Variants in ACOT11 observed in about 807,000 individuals in gnomAD.
ACOT11 encodes acyl-coenzyme A thioesterase 11.
Under a neutral mutation model 77.5 loss-of-function variants are expected in ACOT11, and 69 were observed. That is an observed-to-expected ratio of 0.89 (90% CI 0.73 to 1.09). The LOEUF (loss-of-function observed/expected upper bound fraction) is 1.09, where lower values mean the gene tolerates loss of function less well. Ranked by LOEUF, ACOT11 falls within the 50% of genes least tolerant of loss-of-function variation. The pLI is 0.00. For missense variants in ACOT11, 766 were observed against 813.7 expected, an observed-to-expected ratio of 0.94 and a Z score of 0.71; for synonymous variants, 279 against 313.0, an observed-to-expected ratio of 0.89 and a Z score of 1.15.
chr1:54,618,749 G>T lies in ACOT11; in HGVS notation c.1629+10681G>T, dbSNP rs145039416. On this transcript the variant is annotated intron_variant, in intron 15 of 16. Coordinates refer to the ACOT11 transcript ENST00000371316. ...CAGCTTTACCCATCTGCAGGAGCTCGCGGTGGCTGTGTGCAGACCGTGAAT... is the reference window on the plus strand; with the variant it reads ...CAGCTTTACCCATCTGCAGGAGCTCTCGGTGGCTGTGTGCAGACCGTGAAT... Among the ~76,000 whole-genome samples, 259 of 152,262 alleles carry T rather than the reference G, an allele frequency of 1.7e-3. 3 individuals are homozygous for T. Among genetic ancestry groups the T allele is most frequent in the African/African-American group, 6.0e-3 (251 of 41,558 alleles).
intron 1 of ACOT11, chr1:54,573,262 C>A: frequency 1.0e-6 from 1 of 984,864 alleles, no homozygotes; most frequent in Non-Finnish European, 1.2e-6. Flanking sequence ...TTAGCTTTTG[C>A]GGTAAGCAGA....
chr1:54,602,900 G>T (rs966853955), intron 10 of ACOT11, among the ~76,000 whole-genome samples, 176 bp downstream of exon 10: 1 of 152,212 alleles, frequency 6.6e-6, no homozygotes, highest in African/African-American at 2.4e-5. Context: ...TTGTACACAC[G>T]AGGACGCTGG....
In ACOT11 at chr1:54,584,975, G is replaced by C; in HGVS notation, c.241+113G>C. 2.5e-6 allele frequency: 3 copies of C among 1,191,194 alleles called. No homozygotes were observed. The highest frequency in any genetic ancestry group is 3.5e-6 in the Non-Finnish European group (3 of 856,050). The allele number at this position is 1,191,194 out of a possible 1,614,324, so 73.8% of individuals were successfully genotyped here. On this transcript the variant is annotated intron_variant, in intron 2 of 15. Transcript: ENST00000343744. This position sits in a 1 kb window ranked among gnomAD's most constrained non-coding sequence, Gnocchi z 6.3. Reference sequence around the variant, plus strand: ...AGTGCCACACTTGTTTCTCATCTTGGCCTTTGCTCATGCTGGTCCCTTTGT... The same window carrying C: ...AGTGCCACACTTGTTTCTCATCTTGCCCTTTGCTCATGCTGGTCCCTTTGT...
At position 54,601,316 on chromosome 1, in the gene ACOT11, CCCACCGGCG is replaced by C. The variant is rs772924194; in HGVS notation, c.937_945del (p.Arg313_His315del). 40 of 1,613,300 alleles carry C rather than the reference CCCACCGGCG, an allele frequency of 2.5e-5. No homozygotes were observed. The highest frequency in any genetic ancestry group is 3.3e-5 in the Non-Finnish European group (39 of 1,180,004). ...GAGGCCTATCGCCAGGAGGCTGAGA[CCCACCGGCG>C]CCACATCAACAGTGCCTTTATGACC... On this transcript the variant is annotated inframe_deletion, in exon 9 of 16. Transcript: ENST00000343744.
chr1:54,567,559 G>A (rs1374005415), intron 1 of ACOT11, among the ~76,000 whole-genome samples: 1 of 152,052 alleles, frequency 6.6e-6, no homozygotes, highest in Admixed American at 6.6e-5. Context: ...GATTACAGGC[G>A]TGAGCCACTG....
At chr1:54,589,977 A>G (rs1307525071) in intron 3 of ACOT11, among the ~76,000 whole-genome samples, 1 of 151,540 alleles carries the variant, frequency 6.6e-6, no homozygotes, top group Non-Finnish European at 1.5e-5. Context: ...AGTCCCAGCT[A>G]CTCCGGAGGC....
intron 1 of ACOT11, among the ~76,000 whole-genome samples, chr1:54,565,660 T>C (rs1653708735): frequency 3.3e-5 from 5 of 152,114 alleles, no homozygotes; most frequent in Admixed American, 2.0e-4. Context: ...AGTAGGTACA[T>C]GGTAAGTAGC....
Position 54,584,365 on chromosome 1 carries a change from G to A in ACOT11, c.34-290G>A, listed in dbSNP as rs1163592470. ...TTGGCCCAGGAGCTGAAGCAAGGAG[G>A]ACTGACTTCTCTGCATGGTTTTGTC... On this transcript the variant is annotated intron_variant, in intron 1 of 15. Coordinates refer to ENST00000343744, the MANE Select transcript of ACOT11 (RefSeq NM_147161.4). The surrounding 1 kb of genome is among the most constrained non-coding windows in gnomAD (Gnocchi z 6.3). Among the ~76,000 whole-genome samples the A allele has an allele frequency of 1.3e-5, 2 of 152,190 alleles. No individual in the cohort carries two copies. Among genetic ancestry groups the A allele is most frequent in the Non-Finnish European group, 2.9e-5 (2 of 68,036 alleles).
downstream of ACOT11, among the ~76,000 whole-genome samples, chr1:54,611,200 A>C (rs1228763420): frequency 6.6e-6 from 1 of 152,118 alleles, no homozygotes; most frequent in Non-Finnish European, 1.5e-5. Flanking sequence ...TTGGGAGGCC[A>C]AGGCGGGCGG....
chr1:54,557,433 A>T (rs1031945487), intron 1 of ACOT11, among the ~76,000 whole-genome samples: 2 of 151,068 alleles, frequency 1.3e-5, no homozygotes, highest in African/African-American at 4.9e-5. Context: ...TTATTTATCT[A>T]CCCTTGTGTG....
intron 3 of ACOT11, 39 bp from the exon 4 acceptor site, chr1:54,592,506 GC>G: frequency 6.3e-7 from 1 of 1,592,090 alleles, no homozygotes; most frequent in African/African-American, 1.3e-5. Flanking sequence ...CCTCCCTCTG[GC>G]CCCTCTGGAA....
intron 8 of ACOT11, 129 bp from the exon 9 acceptor site, chr1:54,601,122 TGTGTATGTGTGTGCATAC>T: frequency 4.0e-6 from 3 of 751,146 alleles, no homozygotes; most frequent in Non-Finnish European, 5.9e-6. Context: ...CATACATGTG[TGTGTATGTGTGTGCATAC>T]GTGTGTGTGT....
chr1:54,571,741 AG>A (rs769637581), intron 1 of ACOT11, among the ~76,000 whole-genome samples: 2 of 152,192 alleles, frequency 1.3e-5, no homozygotes, highest in Non-Finnish European at 1.5e-5. Flanking sequence ...ATGTTGTGCA[AG>A]GGGAAGCTGG....
exon 17 of ACOT11, chr1:54,635,441 G>A (rs1644325803): frequency 3.7e-6 from 1 of 272,138 alleles, no homozygotes; most frequent in Non-Finnish European, 6.9e-6. Context: ...ATAAGGATTT[G>A]TAAAAACTAT....
At chr1:54,589,607 A>T (rs1654633487) in intron 3 of ACOT11, among the ~76,000 whole-genome samples, 1 of 152,034 alleles carries the variant, frequency 6.6e-6, no homozygotes, top group South Asian at 2.1e-4. Flanking sequence ...AGTAGCTGGG[A>T]CTACAGACAT....
rs1169429541 is a variant in ACOT11, at chr1:54,629,993, G to A, written c.1630-741G>A. On this transcript the variant is annotated intron_variant, in intron 15 of 16. Transcript: ENST00000371316. ...CAGCTCACTGCAAGCTCTGCCTCCC[G>A]GGTTCACGCCATTCTCCTGCCTCAA... Among the ~76,000 whole-genome samples, 6 of 133,846 alleles carry A rather than the reference G, an allele frequency of 4.5e-5. 1 individual carries two copies. The highest frequency in any genetic ancestry group is 1.5e-4 in the African/African-American group (6 of 39,438). The allele number at this position is 133,846 out of a possible 152,430, so 87.8% of individuals were successfully genotyped here. A position where few individuals can be genotyped will look rare whatever the true frequency, so the allele number is the denominator to read the frequency against.
chr1:54,565,358 G>C (rs1653700022), intron 1 of ACOT11, among the ~76,000 whole-genome samples: 1 of 152,146 alleles, frequency 6.6e-6, no homozygotes, highest in South Asian at 2.1e-4. Context: ...GTGCTGGGAG[G>C]CAACTGATAA....
intron 15 of ACOT11, chr1:54,621,967 TGAA>T (rs1452451292): frequency 6.6e-6 from 1 of 152,324 alleles, no homozygotes; most frequent in Non-Finnish European, 1.5e-5. Context: ...TTCAGGCAAG[TGAA>T]GTAGTAAAAA....
Position 54,609,375 on chromosome 1 carries a change from C to G in ACOT11, c.*263C>G. 6.2e-7 allele frequency: 1 copy of G among 1,614,194 alleles called. No homozygotes were observed. The highest frequency in any genetic ancestry group is 8.5e-7 in the Non-Finnish European group (1 of 1,180,030). ...CTAGCTGCCAGCAATGCTGTCCTCA[C>G]AGAGGCATAGTCGCCCCCAGCTGGG... On this transcript the variant is annotated 3_prime_UTR_variant, in exon 16 of 16. Coordinates refer to ENST00000343744, the MANE Select transcript of ACOT11 (RefSeq NM_147161.4).
Sources: gnomAD v4.1 joint callset for allele counts (sites outside exome capture counted in the v4.1 genomes callset) on GRCh38, gnomAD v4.1.1 for gene constraint, Gnocchi (gnomAD v3.1) non-coding constraint, MANE v1.5 for transcripts, NCBI Gene and HGNC (gene_info 2026-07-23, HGNC 2026-07-21) for gene names.